The following ARHGAP25 variants were observed in gnomAD, a reference collection of about 807,000 sequenced individuals.
ARHGAP25 encodes Rho GTPase activating protein 25, also known as rho GTPase-activating protein 25.
In ARHGAP25, 34 loss-of-function variants were observed where a neutral mutation model predicts 71.0. That is an observed-to-expected ratio of 0.48 (90% CI 0.36 to 0.64). ARHGAP25 has a LOEUF of 0.64. ARHGAP25 is among the 30% of genes least tolerant of loss of function. ARHGAP25 has a pLI of 0.00. For synonymous variants in ARHGAP25, 282 were observed against 296.5 expected (o/e 0.95, Z 0.50); for missense variants, 706 against 805.1 (o/e 0.88, Z 1.49).
At chr2:68,752,524 C>G (rs72895914) in intron 1 of ARHGAP25, among the ~76,000 whole-genome samples, 5,310 of 152,226 alleles carry the variant, frequency 0.035, 331 homozygotes, top group African/African-American at 0.12. Flanking sequence ...GCTCCTGACC[C>G]AGTCTCCAAG....
chr2:68,771,396 T>C (rs1279546427), intron 1 of ARHGAP25, among the ~76,000 whole-genome samples: 1 of 152,184 alleles, frequency 6.6e-6, no homozygotes, highest in Non-Finnish European at 1.5e-5. Flanking sequence ...AAGCTTATCA[T>C]GGTTATTATT....
intron 1 of ARHGAP25, among the ~76,000 whole-genome samples, chr2:68,774,303 G>A (rs1677680333): frequency 6.6e-6 from 1 of 152,186 alleles, no homozygotes; most frequent in Non-Finnish European, 1.5e-5. Flanking sequence ...GCTGTGGAGG[G>A]AAGGAAAGGA....
chr2:68,809,059 T>G (rs1032888105), intron 5 of ARHGAP25, among the ~76,000 whole-genome samples: 1 of 152,182 alleles, frequency 6.6e-6, no homozygotes, highest in Admixed American at 6.5e-5. Context: ...ACATAACCCT[T>G]GAGAGGACAA....
At chr2:68,796,679 C>T (rs1380875622) in intron 4 of ARHGAP25, among the ~76,000 whole-genome samples, 1 of 152,092 alleles carries the variant, frequency 6.6e-6, no homozygotes, top group Non-Finnish European at 1.5e-5. Context: ...TTTCAGGTTT[C>T]AGTGGTAGCA....
chr2:68,780,688 C>T (rs1678267899), intron 2 of ARHGAP25, among the ~76,000 whole-genome samples: 1 of 151,856 alleles, frequency 6.6e-6, no homozygotes, highest in Non-Finnish European at 1.5e-5. Flanking sequence ...CTTTCTGTTC[C>T]TTCCCCTCCT....
At chr2:68,802,450 G>C (rs1680047790) in intron 4 of ARHGAP25, among the ~76,000 whole-genome samples, 1 of 151,578 alleles carries the variant, frequency 6.6e-6, no homozygotes, top group Non-Finnish European at 1.5e-5. Context: ...ACCTATTTGG[G>C]GAGAGTGAAG....
upstream of ARHGAP25, among the ~76,000 whole-genome samples, chr2:68,731,420 C>CCGA (rs1488689074): frequency 1.3e-5 from 2 of 151,980 alleles, no homozygotes; most frequent in African/African-American, 4.8e-5. Context: ...GCCCATGCTG[C>CCGA]CGACCTCTCT....
chr2:68,811,407 G>A (rs1485256167), intron 5 of ARHGAP25, among the ~76,000 whole-genome samples: 1 of 152,212 alleles, frequency 6.6e-6, no homozygotes, highest in Non-Finnish European at 1.5e-5. Context: ...TCAGCTGACT[G>A]TCTTTCTGCC....
chr2:68,782,815 G>A (rs78540919), intron 3 of ARHGAP25, among the ~76,000 whole-genome samples: 3,637 of 152,320 alleles, frequency 0.024, 54 homozygotes, highest in Non-Finnish European at 0.035. Flanking sequence ...CACATTGGAG[G>A]TGCCTCTTTC....
chr2:68,805,414 A>C (rs1260596564), intron 4 of ARHGAP25, among the ~76,000 whole-genome samples: 1 of 152,100 alleles, frequency 6.6e-6, no homozygotes, highest in Non-Finnish European at 1.5e-5. Context: ...GAGGCCACCT[A>C]TTCAGCTCCT....
At chr2:68,754,590 T>C (rs1179538088) in intron 1 of ARHGAP25, among the ~76,000 whole-genome samples, 2 of 152,230 alleles carry the variant, frequency 1.3e-5, no homozygotes, top group African/African-American at 4.8e-5. Context: ...CTCTTTTGGG[T>C]AAATATTGAG....
At chr2:68,751,973 A>G (rs913939133) in intron 1 of ARHGAP25, among the ~76,000 whole-genome samples, 1 of 152,198 alleles carries the variant, frequency 6.6e-6, no homozygotes, top group African/African-American at 2.4e-5. Flanking sequence ...TGGCGCTACC[A>G]ACTGGCAAGC....
At chr2:68,820,113 T>C (rs1462679315) in intron 9 of ARHGAP25, among the ~76,000 whole-genome samples, 2 of 152,200 alleles carry the variant, frequency 1.3e-5, no homozygotes, top group South Asian at 2.1e-4. Flanking sequence ...AGGATAGGTC[T>C]TTCTGAAGGC....
At chr2:68,743,270 T>C (rs143043063) in intron 1 of ARHGAP25, among the ~76,000 whole-genome samples, 8 of 152,150 alleles carry the variant, frequency 5.3e-5, no homozygotes, top group African/African-American at 1.7e-4. Flanking sequence ...TGAAGTGAGG[T>C]TGGAAGTTGT....
At chr2:68,722,114 C>T (rs551432970) in intron 2 of ARHGAP25, among the ~76,000 whole-genome samples, 31 of 152,352 alleles carry the variant, frequency 2.0e-4, no homozygotes, top group African/African-American at 6.7e-4. Flanking sequence ...CCCTCCCCAG[C>T]TGGCTCAAGT....
chr2:68,809,865 T>C (rs1285904170), intron 5 of ARHGAP25, among the ~76,000 whole-genome samples: 6 of 152,170 alleles, frequency 3.9e-5, no homozygotes, highest in Admixed American at 3.3e-4. Context: ...TGCAGGTCTT[T>C]CTGGTCTCCT....
At chr2:68,808,765 G>T (rs148796962) in intron 5 of ARHGAP25, among the ~76,000 whole-genome samples, 1 of 152,224 alleles carries the variant, frequency 6.6e-6, no homozygotes, top group Non-Finnish European at 1.5e-5. Context: ...CAGGTGGGTT[G>T]TTGCTAGAGC....
chr2:68,746,835 C>G (rs567593623), intron 1 of ARHGAP25, among the ~76,000 whole-genome samples: 47 of 151,898 alleles, frequency 3.1e-4, no homozygotes, highest in African/African-American at 1.1e-3. Context: ...GGAGAAACCC[C>G]ATCTCTACTA....
chr2:68,808,895 T>G (rs748353715), intron 5 of ARHGAP25, among the ~76,000 whole-genome samples: 1 of 152,176 alleles, frequency 6.6e-6, no homozygotes, highest in Non-Finnish European at 1.5e-5. Context: ...GAATCTTTGA[T>G]TATTTTGAAA....
Sources: gnomAD v4.1 joint callset for allele counts (sites outside exome capture counted in the v4.1 genomes callset) on GRCh38, gnomAD v4.1.1 for gene constraint, MANE v1.5 for transcripts, NCBI Gene and HGNC (gene_info 2026-07-23, HGNC 2026-07-21) for gene names.